RUSC2: variants seen among roughly 807,000 people sequenced by gnomAD.
RUSC2 encodes the protein RUN and SH3 domain containing 2.
In RUSC2, 34 loss-of-function variants were observed where a neutral mutation model predicts 122.2. The ratio of observed to expected loss-of-function variants is 0.28; its 90% CI spans 0.21 to 0.37. The LOEUF is 0.37. Ranked by LOEUF, RUSC2 falls within the 10% of genes least tolerant of loss-of-function variation. The pLI, the probability that RUSC2 is intolerant of heterozygous loss-of-function variation, is 1.00. For missense variants in RUSC2, 1,747 were observed against 1,952.4 expected (o/e 0.89, Z 1.98); for synonymous variants, 784 against 790.0 (o/e 0.99, Z 0.13).
chr9:35,540,687 G>C (rs964287286), intron 1 of RUSC2, among the ~76,000 whole-genome samples: 1 of 152,138 alleles, frequency 6.6e-6, no homozygotes, highest in East Asian at 1.9e-4. Context: ...TAGAGAGGCC[G>C]GTAGACATAA....
chr9:35,498,815 C>T (rs1247882291), intron 1 of RUSC2, among the ~76,000 whole-genome samples: 12 of 146,306 alleles, frequency 8.2e-5, no homozygotes, highest in South Asian at 2.2e-4. Flanking sequence ...GAGCCGAGAT[C>T]GCCTGGCGAC....
intron 1 of RUSC2, among the ~76,000 whole-genome samples, chr9:35,542,254 A>C (rs1821656184): frequency 6.6e-6 from 1 of 152,238 alleles, no homozygotes; most frequent in South Asian, 2.1e-4. Context: ...AATCAGTGAA[A>C]GAGCTTGACA....
intron 1 of RUSC2, among the ~76,000 whole-genome samples, chr9:35,542,458 CTATT>C (rs1219548802): frequency 6.6e-6 from 1 of 152,108 alleles, no homozygotes; most frequent in African/African-American, 2.4e-5. Context: ...AAATTAAAAA[CTATT>C]TATCAAAAAA....
intron 1 of RUSC2, among the ~76,000 whole-genome samples, chr9:35,544,065 C>T (rs911700903): frequency 4.6e-5 from 7 of 152,122 alleles, no homozygotes; most frequent in Admixed American, 1.3e-4. Context: ...TTACAATACT[C>T]CCGGCAATGT....
chr9:35,527,940 G>A (rs75116175), intron 1 of RUSC2, among the ~76,000 whole-genome samples: 4,600 of 152,246 alleles, frequency 0.03, 235 homozygotes, highest in African/African-American at 0.1. Context: ...TGGTCATCTT[G>A]GCTGCAGTGA....
chr9:35,556,534 C>CTAAGTGCTGGCTGGGCCCTT (rs1554644608), intron 5 of RUSC2, 86 bp downstream of exon 5: 15 of 1,526,148 alleles, frequency 9.8e-6, no homozygotes, highest in Admixed American at 1.9e-5. Flanking sequence ...TCTGAAACCT[C>CTAAGTGCTGGCTGGGCCCTT]TAAGTGCTGG....
rs900722495 is a variant in RUSC2, at chr9:35,560,702, C to T, written c.4062C>T (p.Ala1354=). ...GGAGCCCCCCTGACTCTGTGCTGGC[C>T]GAGCTGAGGCGCAGTCGGGAGAGGG... ...WMGSPPDSVL[A]ELRRSREREG... The change falls in exon 10 of 12, where the codon GCC becomes GCT. Residue 1354 remains alanine (A), a synonymous_variant. Transcript: ENST00000361226. The T allele has an allele frequency of 1.5e-5, 23 of 1,555,660 alleles. 1 individual carries two copies. Among genetic ancestry groups the T allele is most frequent in the South Asian group, 4.7e-5 (4 of 84,918 alleles).
At chr9:35,496,660 C>G (rs1397666057) in intron 1 of RUSC2, among the ~76,000 whole-genome samples, 2 of 152,168 alleles carry the variant, frequency 1.3e-5, no homozygotes, top group East Asian at 1.9e-4. Flanking sequence ...GATGATTCCT[C>G]TGAAGAATTT....
intron 11 of RUSC2, 29 bp downstream of exon 11, chr9:35,561,126 G>C (rs778844040): frequency 1.9e-6 from 3 of 1,613,382 alleles, no homozygotes; most frequent in Admixed American, 1.7e-5. Context: ...AAGGGCTGAG[G>C]GGGGCGGGGG....
chr9:35,496,457 C>CTT, intron 1 of RUSC2, among the ~76,000 whole-genome samples: 1 of 152,318 alleles, frequency 6.6e-6, no homozygotes, highest in East Asian at 1.9e-4. Flanking sequence ...CCTGCAGTCA[C>CTT]TTATCCCGCT....
At position 35,555,468 on chromosome 9, in the gene RUSC2, C is replaced by T; in HGVS notation, c.2423C>T (p.Pro808Leu). The change falls in exon 3 of 12, where the codon CCC (proline) becomes CTC (leucine). Residue 808 changes from proline to leucine, a missense_variant. Pro to Leu is a moderately conservative substitution (Grantham distance 98). Coordinates refer to ENST00000361226, the MANE Select transcript of RUSC2 (RefSeq NM_014806.5). This position sits in a 1 kb window ranked among gnomAD's most constrained non-coding sequence, Gnocchi z 4.6. ...STSCSPPPEQ[P>L]TATESLPPWS... ...TCGTGCTCCCCTCCCCCAGAGCAGCCCACAGCCACAGAAAGCCTGCCCCCA... is the reference window on the plus strand; with the variant it reads ...TCGTGCTCCCCTCCCCCAGAGCAGCTCACAGCCACAGAAAGCCTGCCCCCA... 1 of 1,614,200 alleles carries T rather than the reference C, an allele frequency of 6.2e-7. No individual in the cohort carries two copies. Among genetic ancestry groups the T allele is most frequent in the Non-Finnish European group, 8.5e-7 (1 of 1,180,042 alleles).
intron 1 of RUSC2, among the ~76,000 whole-genome samples, chr9:35,490,815 C>G (rs1468523944): frequency 6.6e-6 from 1 of 152,242 alleles, no homozygotes; most frequent in Non-Finnish European, 1.5e-5. Flanking sequence ...CACGGTGATC[C>G]TGTTGCCCAC....
At chr9:35,509,164 A>G (rs1820970442) in intron 1 of RUSC2, among the ~76,000 whole-genome samples, 1 of 152,188 alleles carries the variant, frequency 6.6e-6, no homozygotes, top group African/African-American at 2.4e-5. Context: ...GTCTCTTCAA[A>G]AAAAAATTAA....
intron 1 of RUSC2, among the ~76,000 whole-genome samples, chr9:35,524,775 T>C (rs1281171351): frequency 1.3e-5 from 2 of 151,904 alleles, no homozygotes; most frequent in Middle Eastern, 3.2e-3. Context: ...ATCGAGACCA[T>C]CCTGGGTAAC....
In RUSC2 at chr9:35,561,467, C is replaced by A; in HGVS notation, c.*85C>A. On this transcript the variant is annotated 3_prime_UTR_variant, in exon 12 of 12. Transcript: ENST00000361226. ...AGCCCTTCCCAAGCCATTGGCTTGG[C>A]TGCAGAGTAGACTGAGAGCTGGGGC... is the stretch of plus-strand genomic sequence containing the variant. 8.5e-7 allele frequency: 1 copy of A among 1,182,608 alleles called. No individual in the cohort carries two copies. Among genetic ancestry groups the A allele is most frequent in the Non-Finnish European group, 1.2e-6 (1 of 831,022 alleles). The allele number at this position is 1,182,608 out of a possible 1,614,324, so 73.3% of individuals were successfully genotyped here. A position where few individuals can be genotyped will look rare whatever the true frequency, so the allele number is the denominator to read the frequency against.
At position 35,560,965 on chromosome 9, in the gene RUSC2, C is replaced by T. The variant is rs866665061; in HGVS notation, c.4217C>T (p.Pro1406Leu). ...QREARPTNRLPSDWLSLDKSM... is the reference protein window; with the variant it reads ...QREARPTNRLLSDWLSLDKSM... ...AGTCCAGCTGCTGTCCCTAGGCTCC[C>T]CTCGGACTGGCTGAGCCTGGACAAG... Residue 1406 changes from proline (P) to leucine (L), a missense_variant, in exon 11 of 12, where the codon CCC becomes CTC. Transcript: ENST00000361226. The T allele has an allele frequency of 6.2e-7, 1 of 1,613,864 alleles. No individual in the cohort carries two copies. The highest frequency in any genetic ancestry group is 1.7e-5 in the Admixed American group (1 of 60,006).
At chr9:35,493,604 G>A (rs1820612298) in intron 1 of RUSC2, among the ~76,000 whole-genome samples, 1 of 152,116 alleles carries the variant, frequency 6.6e-6, no homozygotes, top group African/African-American at 2.4e-5. Flanking sequence ...CCCAGTTCAG[G>A]TGATTCACAT....
chr9:35,496,259 G>T (rs915837221), intron 1 of RUSC2, among the ~76,000 whole-genome samples: 1 of 152,172 alleles, frequency 6.6e-6, no homozygotes, highest in African/African-American at 2.4e-5. Context: ...GAGGATCACA[G>T]AGAATCAACA....
rs1348132058 is a variant in RUSC2 at position 35,557,196 on chromosome 9, CTG to C, written c.2984-717_2984-716del. Among the ~76,000 whole-genome samples the C allele has an allele frequency of 6.6e-6, 1 of 152,078 alleles. No homozygotes were observed. The highest frequency in any genetic ancestry group is 6.6e-5 in the Admixed American group (1 of 15,256). Reference sequence around the variant, plus strand: ...AACATTTTTAGGGAGATGGAGAGAACTGAGCATAATTGTGGGCTGAAGATGAG... The same window carrying C: ...AACATTTTTAGGGAGATGGAGAGAACAGCATAATTGTGGGCTGAAGATGAG... On this transcript the variant is annotated intron_variant, in intron 5 of 11. Coordinates refer to ENST00000361226, the MANE Select transcript of RUSC2 (RefSeq NM_014806.5). This position sits in a 1 kb window ranked among gnomAD's most constrained non-coding sequence, Gnocchi z 4.6.
Sources: allele counts gnomAD v4.1 joint callset (sites outside exome capture counted in the v4.1 genomes callset), GRCh38; gene constraint gnomAD v4.1.1; non-coding constraint Gnocchi (gnomAD v3.1); transcripts MANE v1.5; gene names NCBI Gene and HGNC (gene_info 2026-07-23, HGNC 2026-07-21).